Variants in ERBB4 observed in about 807,000 individuals in gnomAD.
ERBB4 encodes erb-b2 receptor tyrosine kinase 4.
Under a neutral mutation model 158.0 loss-of-function variants are expected in ERBB4, and 42 were observed. The observed-to-expected ratio is 0.27, with a 90% CI of 0.21 to 0.34. The LOEUF is 0.34. Among genes scored for constraint, ERBB4 ranks in the 10% least tolerant of loss-of-function variants. The probability of loss-of-function intolerance (pLI) is 1.00; values close to 1 mark genes in which losing one functional copy is unlikely to be tolerated. For missense variants in ERBB4, 1,333 were observed against 1,624.1 expected, an observed-to-expected ratio of 0.82 and a Z score of 3.08; for synonymous variants, 583 against 558.7, an observed-to-expected ratio of 1.04 and a Z score of -0.61.
chr2:212,469,073 T>C (rs1358341893), intron 1 of ERBB4, among the ~76,000 whole-genome samples: 1 of 152,136 alleles, frequency 6.6e-6, no homozygotes, highest in Admixed American at 6.5e-5. Flanking sequence ...TCAAAAGAAA[T>C]CAAATATCCA....
chr2:212,057,168 C>T lies in ERBB4; in HGVS notation c.234+67584G>A, dbSNP rs1008884786. Among the ~76,000 whole-genome samples the T allele has an allele frequency of 2.5e-4, 38 of 152,128 alleles. 1 individual carries two copies. Among genetic ancestry groups the T allele is most frequent in the South Asian group, 2.5e-3 (12 of 4,810 alleles). On this transcript the variant is annotated intron_variant, in intron 2 of 27. Coordinates refer to ENST00000342788, the MANE Select transcript of ERBB4 (RefSeq NM_005235.3). ...AAACAGACTTTAAACCAGCAAAGAT[C>T]GAAAGAGACAAAGAAGAGCATTACA...
intron 1 of ERBB4, among the ~76,000 whole-genome samples, chr2:212,294,752 A>C (rs542556811): frequency 6.6e-6 from 1 of 152,248 alleles, no homozygotes. Flanking sequence ...ATAATTAAAA[A>C]GTATACTATA....
intron 1 of ERBB4, among the ~76,000 whole-genome samples, chr2:212,245,454 C>T (rs1253352926): frequency 6.6e-6 from 1 of 152,130 alleles, no homozygotes; most frequent in Non-Finnish European, 1.5e-5. Flanking sequence ...GTAACTCAAA[C>T]AGTTCTCTAT....
At chr2:211,428,532 T>C in intron 21 of ERBB4, 49 bp from the exon 22 acceptor site, 1 of 1,000,364 alleles carries the variant, frequency 1.0e-6, no homozygotes, top group Non-Finnish European at 1.6e-6. Context: ...TAAAAATTCA[T>C]TTCTATATGT....
chr2:211,731,215 G>A (rs1416663698), intron 5 of ERBB4, among the ~76,000 whole-genome samples: 1 of 152,064 alleles, frequency 6.6e-6, no homozygotes, highest in African/African-American at 2.4e-5. Context: ...ATCCCCAATT[G>A]CACTGCTAAG....
intron 2 of ERBB4, among the ~76,000 whole-genome samples, chr2:211,986,656 C>A (rs529406946): frequency 3.6e-4 from 55 of 152,236 alleles, no homozygotes; most frequent in African/African-American, 1.2e-3. Context: ...CCTTGGAATT[C>A]TTTACTGTAA....
intron 1 of ERBB4, among the ~76,000 whole-genome samples, chr2:212,389,371 C>G (rs989503779): frequency 1.3e-5 from 2 of 152,026 alleles, no homozygotes; most frequent in African/African-American, 4.8e-5. Flanking sequence ...TCAAAAGTTG[C>G]TGATTTTACT....
At chr2:211,653,685 G>C (rs1040813672) in intron 16 of ERBB4, among the ~76,000 whole-genome samples, 4 of 151,798 alleles carry the variant, frequency 2.6e-5, no homozygotes, top group African/African-American at 7.3e-5. Flanking sequence ...TTTTGGGGGG[G>C]TTTGAGGGGG....
intron 20 of ERBB4, among the ~76,000 whole-genome samples, chr2:211,536,635 G>C (rs890402617): frequency 1.3e-5 from 2 of 152,020 alleles, no homozygotes; most frequent in African/African-American, 4.8e-5. Flanking sequence ...AGAAGATGGA[G>C]GGAGGTTCTT....
At chr2:212,341,227 T>C (rs961389309) in intron 1 of ERBB4, among the ~76,000 whole-genome samples, 3 of 151,748 alleles carry the variant, frequency 2.0e-5, no homozygotes, top group Non-Finnish European at 2.9e-5. Flanking sequence ...TATAAAAATA[T>C]AAGTATTATT....
intron 2 of ERBB4, among the ~76,000 whole-genome samples, chr2:211,985,703 TTGG>T (rs1278594627): frequency 6.6e-6 from 1 of 151,874 alleles, no homozygotes; most frequent in East Asian, 1.9e-4. Flanking sequence ...ATTTATTATT[TTGG>T]ATATTTTTCA....
At chr2:212,485,559 G>C (rs1019917254) in intron 1 of ERBB4, among the ~76,000 whole-genome samples, 1 of 152,128 alleles carries the variant, frequency 6.6e-6, no homozygotes, top group Non-Finnish European at 1.5e-5. Context: ...GGAATTTCAA[G>C]TACTCCAAGA....
intron 14 of ERBB4, among the ~76,000 whole-genome samples, chr2:211,667,307 T>C (rs572567696): frequency 1.3e-5 from 2 of 152,056 alleles, no homozygotes; most frequent in African/African-American, 4.8e-5. Flanking sequence ...TATTTTAAAA[T>C]TTAAAAATGG....
intron 1 of ERBB4, among the ~76,000 whole-genome samples, chr2:212,433,387 T>C (rs2092072418): frequency 6.6e-6 from 1 of 152,072 alleles, no homozygotes. Flanking sequence ...AAAATATTCC[T>C]TTAATAAATT....
At chr2:212,268,752 G>A (rs959167439) in intron 1 of ERBB4, among the ~76,000 whole-genome samples, 5 of 151,810 alleles carry the variant, frequency 3.3e-5, no homozygotes, top group Non-Finnish European at 5.9e-5. Flanking sequence ...AAAACAGCTG[G>A]TGAGCCAGAT....
chr2:212,067,565 T>G (rs948363843), intron 2 of ERBB4, among the ~76,000 whole-genome samples: 1 of 151,962 alleles, frequency 6.6e-6, no homozygotes, highest in Non-Finnish European at 1.5e-5. Flanking sequence ...TTATGTAAAC[T>G]TCAAGGTACA....
intron 25 of ERBB4, among the ~76,000 whole-genome samples, chr2:211,411,001 C>T (rs952467520): frequency 2.0e-5 from 3 of 152,138 alleles, no homozygotes; most frequent in East Asian, 3.9e-4. Context: ...CTCCACCTCC[C>T]GGGTTCAAGT....
chr2:212,524,365 G>A (rs1415521989), intron 1 of ERBB4, among the ~76,000 whole-genome samples: 1 of 151,938 alleles, frequency 6.6e-6, no homozygotes. Flanking sequence ...CACACCTGCA[G>A]CAGCTAATAC....
In ERBB4 at chr2:212,528,301, G is replaced by A. The variant is rs1905139; in HGVS notation, c.82+10148C>T. Among the ~76,000 whole-genome samples, 91,865 of 151,900 alleles carry A rather than the reference G, an allele frequency of 0.6. 29,781 individuals carry two copies. The highest frequency in any genetic ancestry group is 0.84 in the African/African-American group (34,803 of 41,456). ...TAGCCTCTGCCGCCGTGAGAAAGTC[G>A]TGCAAGAGGCTGAGAAGCAGAAGGC... On this transcript the variant is annotated intron_variant, in intron 1 of 27. Transcript: ENST00000342788.
Sources: gnomAD v4.1 joint callset for allele counts (sites outside exome capture counted in the v4.1 genomes callset) on GRCh38, gnomAD v4.1.1 for gene constraint, MANE v1.5 for transcripts, NCBI Gene and HGNC (gene_info 2026-07-23, HGNC 2026-07-21) for gene names.